Variants in SLC38A10 observed in about 807,000 individuals in gnomAD.
The protein encoded by SLC38A10 is Sodium-coupled neutral amino acid transporter 10.
In SLC38A10, 53 loss-of-function variants were observed where a neutral mutation model predicts 81.0. That is an observed-to-expected ratio of 0.65 (90% CI 0.53 to 0.82). The LOEUF (loss-of-function observed/expected upper bound fraction) is 0.82, where lower values mean the gene tolerates loss of function less well. Among genes scored for constraint, SLC38A10 ranks in the 40% least tolerant of loss-of-function variants. The probability of loss-of-function intolerance (pLI) is 0.00; values close to 1 mark genes in which losing one functional copy is unlikely to be tolerated. For missense variants in SLC38A10, 1,471 were observed against 1,545.0 expected (o/e 0.95, Z 0.80); for synonymous variants, 665 against 655.3 (o/e 1.01, Z -0.23).
In SLC38A10 at chr17:81,252,292, G is replaced by T; in HGVS notation, c.1848C>A (p.Asn616Lys). The T allele has an allele frequency of 6.2e-7, 1 of 1,605,660 alleles. No individual in the cohort carries two copies. The highest frequency in any genetic ancestry group is 8.5e-7 in the Non-Finnish European group (1 of 1,175,388). The change falls in exon 13 of 16, where the codon AAC (asparagine) becomes AAA (lysine). Residue 616 changes from asparagine (N) to lysine (K), a missense_variant. Around this residue, in one of 2 missense-constraint regions of SLC38A10, gnomAD observed 751 missense variants for 717.4 expected, o/e 1.05. Coordinates refer to ENST00000374759, the MANE Select transcript of SLC38A10 (RefSeq NM_001037984.3). The part of the protein sequence containing the change: ...RPQAVLSEQQ[N>K]GLAVGGGEKA... ...TTTCCCCTCCACCCACCGCCAGGCC[G>T]TTCTGCTGCTCAGACAGCACTGCCT...
At chr17:81,248,200 G>A (rs987911695) in intron 14 of SLC38A10, among the ~76,000 whole-genome samples, 17 of 152,132 alleles carry the variant, frequency 1.1e-4, no homozygotes, top group African/African-American at 3.9e-4. Flanking sequence ...CTCGTGATTC[G>A]CACACCTCAG....
chr17:81,270,824 G>T lies in SLC38A10; in HGVS notation c.1131+94C>A. 9.4e-7 allele frequency: 1 copy of T among 1,059,242 alleles called. No individual in the cohort carries two copies. 65.6% of individuals were successfully genotyped at this position (1,059,242 alleles called of 1,614,324 possible). A position where few individuals can be genotyped will look rare whatever the true frequency, so the allele number is the denominator to read the frequency against. Reference sequence around the variant, plus strand: ...TTAAGTTTCTTGATAGAACCCATCTGAAAACGCTGAACCAGGGGCTTCCTC... The same window carrying T: ...TTAAGTTTCTTGATAGAACCCATCTTAAAACGCTGAACCAGGGGCTTCCTC... On this transcript the variant is annotated intron_variant, in intron 10 of 15. Coordinates refer to ENST00000374759, the MANE Select transcript of SLC38A10 (RefSeq NM_001037984.3). The surrounding 1 kb of genome is among the most constrained non-coding windows in gnomAD (Gnocchi z 4.0).
chr17:81,249,439 GAGA>G (rs1247189678), intron 14 of SLC38A10, among the ~76,000 whole-genome samples: 1 of 5,698 alleles, frequency 1.8e-4, no homozygotes, highest in Non-Finnish European at 7.3e-4. Flanking sequence ...AGGAGGGAGG[GAGA>G]AGGAGGGAGG....
At chr17:81,293,817 A>G (rs1199108372) in intron 1 of SLC38A10, among the ~76,000 whole-genome samples, 1 of 152,206 alleles carries the variant, frequency 6.6e-6, no homozygotes, top group Admixed American at 6.5e-5. Context: ...TCATTTTTCT[A>G]CCTACTTGGT....
At position 81,276,581 on chromosome 17, in the gene SLC38A10, A is replaced by AG. The variant is rs1161724401; in HGVS notation, c.730-431dup. Among the ~76,000 whole-genome samples the AG allele has an allele frequency of 1.0e-3, 153 of 152,130 alleles. No homozygotes were observed. Among genetic ancestry groups the AG allele is most frequent in the African/African-American group, 3.3e-3 (137 of 41,518 alleles). On this transcript the variant is annotated intron_variant, in intron 7 of 15. Coordinates refer to ENST00000374759, the MANE Select transcript of SLC38A10 (RefSeq NM_001037984.3). This position sits in a 1 kb window ranked among gnomAD's most constrained non-coding sequence, Gnocchi z 4.7. The stretch of plus-strand genomic sequence containing the variant: ...TAATTTTTGTATTTTTAGTAGAGAC[A>AG]GGGTTTCACCATGTTGGCCAGGCTG...
intron 6 of SLC38A10, chr17:81,279,831 G>A (rs191085771): frequency 8.2e-4 from 144 of 175,024 alleles, no homozygotes; most frequent in Admixed American, 1.7e-3. Context: ...ACTGGGGCGC[G>A]TTCTGGTGGA....
At chr17:81,249,152 C>T (rs1251913199) in intron 14 of SLC38A10, among the ~76,000 whole-genome samples, 1 of 138,612 alleles carries the variant, frequency 7.2e-6, no homozygotes, top group East Asian at 2.6e-4. Flanking sequence ...AGGACTAGCC[C>T]TGGGCCTGGT....
chr17:81,256,596 C>T (rs55885872), intron 11 of SLC38A10, among the ~76,000 whole-genome samples: 3 of 152,204 alleles, frequency 2.0e-5, no homozygotes, highest in Non-Finnish European at 4.4e-5. Flanking sequence ...ACTCAAGTGC[C>T]GCCCCAAGTT....
Position 81,288,955 on chromosome 17 carries a change from A to T in SLC38A10, c.217+736T>A, listed in dbSNP as rs1489694777. 1 of 152,274 alleles carries T rather than the reference A, an allele frequency of 6.6e-6. No individual in the cohort carries two copies. The highest frequency in any genetic ancestry group is 2.4e-5 in the African/African-American group (1 of 41,432). 9.4% of individuals were successfully genotyped at this position (152,274 alleles called of 1,614,324 possible). A position where few individuals can be genotyped will look rare whatever the true frequency, so the allele number is the denominator to read the frequency against. Reference sequence around the variant, plus strand: ...GGAAGCTTGTGTGGACCTGCATGGGAGCGGGCAGGAGGGCATGGTGACAGG... The same window carrying T: ...GGAAGCTTGTGTGGACCTGCATGGGTGCGGGCAGGAGGGCATGGTGACAGG... On this transcript the variant is annotated intron_variant, in intron 2 of 15. Coordinates refer to ENST00000374759, the MANE Select transcript of SLC38A10 (RefSeq NM_001037984.3). This position sits in a 1 kb window ranked among gnomAD's most constrained non-coding sequence, Gnocchi z 5.4.
At chr17:81,280,779 G>C in intron 5 of SLC38A10, 46 bp from the exon 6 acceptor site, 1 of 1,567,208 alleles carries the variant, frequency 6.4e-7, no homozygotes, top group Non-Finnish European at 8.7e-7. Flanking sequence ...CAGGACGCAG[G>C]CGGGACTCAG....
At position 81,276,930 on chromosome 17, in the gene SLC38A10, G is replaced by T; in HGVS notation, c.729+101C>A. 1 of 1,209,814 alleles carries T rather than the reference G, an allele frequency of 8.3e-7. No individual in the cohort carries two copies. Among genetic ancestry groups the T allele is most frequent in the Non-Finnish European group, 1.2e-6 (1 of 825,242 alleles). 74.9% of individuals were successfully genotyped at this position (1,209,814 alleles called of 1,614,324 possible). On this transcript the variant is annotated intron_variant, in intron 7 of 15. Transcript: ENST00000374759. This position sits in a 1 kb window ranked among gnomAD's most constrained non-coding sequence, Gnocchi z 4.7. ...TGGGAACAGAGAGAAAAACCCAGCA[G>T]CACACAGGGCCAGGGCCATGCCTGT...
intron 11 of SLC38A10, among the ~76,000 whole-genome samples, chr17:81,258,905 C>A (rs1383221675): frequency 1.3e-5 from 2 of 152,226 alleles, no homozygotes; most frequent in African/African-American, 2.4e-5. Flanking sequence ...AGCACAGCCC[C>A]GCCAGCTGCA....
At chr17:81,280,782 G>T in intron 5 of SLC38A10, 49 bp from the exon 6 acceptor site, 1 of 1,564,392 alleles carries the variant, frequency 6.4e-7, no homozygotes. Flanking sequence ...GACGCAGGCG[G>T]GACTCAGCAT....
In SLC38A10 at chr17:81,249,664, A is replaced by T. The variant is rs550069763; in HGVS notation, c.2065+1829T>A. On this transcript the variant is annotated intron_variant, in intron 14 of 15. Transcript: ENST00000374759. ...CCTACAGCCAGAGCCCACCAAGACC[A>T]CGGGGACTGGGCTGCAGAAGGCACG... Among the ~76,000 whole-genome samples the T allele has an allele frequency of 5.1e-4, 77 of 151,986 alleles. 1 individual carries two copies. The highest frequency in any genetic ancestry group is 6.5e-4 in the Admixed American group (10 of 15,272).
At position 81,283,395 on chromosome 17, in the gene SLC38A10, G is replaced by T; in HGVS notation, c.357+14C>A. 1 of 1,609,096 alleles carries T rather than the reference G, an allele frequency of 6.2e-7. No homozygotes were observed. The highest frequency in any genetic ancestry group is 1.1e-5 in the South Asian group (1 of 90,496). On this transcript the variant is annotated intron_variant, in intron 4 of 15. Coordinates refer to ENST00000374759, the MANE Select transcript of SLC38A10 (RefSeq NM_001037984.3). This position sits in a 1 kb window ranked among gnomAD's most constrained non-coding sequence, Gnocchi z 4.7. ...CAGCATCTGAACAACCCAGAACCCT[G>T]AACACATCCTTACCTGAAACCCGAA...
intron 14 of SLC38A10, chr17:81,247,617 G>A (rs969456912): frequency 6.6e-6 from 1 of 151,744 alleles, no homozygotes; most frequent in African/African-American, 2.4e-5. Context: ...CTTGAGCCCA[G>A]GAGTTAGAGA....
chr17:81,255,385 A>C (rs992829267), intron 11 of SLC38A10, among the ~76,000 whole-genome samples: 4 of 152,252 alleles, frequency 2.6e-5, no homozygotes, highest in Admixed American at 1.3e-4. Flanking sequence ...CAGTAAAACT[A>C]ACACAAAACT....
rs1326282333 is a variant in SLC38A10 at position 81,286,585 on chromosome 17, G to T, written c.218-1690C>A. 1.3e-5 allele frequency among the ~76,000 whole-genome samples: 2 copies of T among 152,216 alleles called. No individual in the cohort carries two copies. The highest frequency in any genetic ancestry group is 2.9e-5 in the Non-Finnish European group (2 of 68,042). ...AGGGAGGAAGAGGCTGAAGCGCCCA[G>T]CAAGGTCCCGGGGACCCAGCCCTCC... On this transcript the variant is annotated intron_variant, in intron 2 of 15. Coordinates refer to ENST00000374759, the MANE Select transcript of SLC38A10 (RefSeq NM_001037984.3). The surrounding 1 kb of genome is among the most constrained non-coding windows in gnomAD (Gnocchi z 6.0).
rs1273894251 is a variant in SLC38A10, at chr17:81,270,993, G to A, written c.1056C>T (p.Thr352=). Residue 352 remains threonine (T), a synonymous_variant, in exon 10 of 16, where the codon ACC becomes ACT. Transcript: ENST00000374759. This position sits in a 1 kb window ranked among gnomAD's most constrained non-coding sequence, Gnocchi z 4.0. ...AGATGAAGCAGATGAGGCTTCCCATGGTCGCTCCTGTGAGGCCCAGGATGG... is the reference window on the plus strand; with the variant it reads ...AGATGAAGCAGATGAGGCTTCCCATAGTCGCTCCTGTGAGGCCCAGGATGG... ...VETILGLTGA[T]MGSLICFICP... 2 of 1,613,498 alleles carry A rather than the reference G, an allele frequency of 1.2e-6. No homozygotes were observed. Among genetic ancestry groups the A allele is most frequent in the East Asian group, 4.5e-5 (2 of 44,874 alleles).
Sources: gnomAD v4.1 joint callset for allele counts (sites outside exome capture counted in the v4.1 genomes callset) on GRCh38, gnomAD v4.1.1 for gene constraint, gnomAD v4.1.1 regional missense constraint, Gnocchi (gnomAD v3.1) non-coding constraint, MANE v1.5 for transcripts, NCBI Gene and HGNC (gene_info 2026-07-23, HGNC 2026-07-21) for gene names.